Variants in BLTP3B observed in about 807,000 individuals in gnomAD.
The protein encoded by BLTP3B is bridge-like lipid transfer protein family member 3B.
the BLTP3B span, among the ~76,000 whole-genome samples, chr12:100,121,732 G>A: frequency 1.3e-5 from 2 of 152,100 alleles, no homozygotes; most frequent in African/African-American, 4.8e-5. Flanking sequence ...GGGAAGCTGA[G>A]GCAGGAGAAT....
chr12:100,121,662 C>T, the BLTP3B span, among the ~76,000 whole-genome samples: 1 of 151,910 alleles, frequency 6.6e-6, no homozygotes, highest in Non-Finnish European at 1.5e-5. Flanking sequence ...GAAACCCTGT[C>T]TCTACTAAAA....
chr12:100,132,472 T>A, the BLTP3B span, among the ~76,000 whole-genome samples: 2 of 152,174 alleles, frequency 1.3e-5, no homozygotes, highest in African/African-American at 4.8e-5. Context: ...CTCACGTGCG[T>A]AGGTTGTTAT....
chr12:100,118,487 C>T, the BLTP3B span, among the ~76,000 whole-genome samples: 1 of 152,004 alleles, frequency 6.6e-6, no homozygotes, highest in South Asian at 2.1e-4. Context: ...CCTAAAAAGA[C>T]ATGATGACTA....
At chr12:100,051,324 C>T in the BLTP3B span, 2 of 990,902 alleles carry the variant, frequency 2.0e-6, no homozygotes, top group Non-Finnish European at 2.8e-6. Flanking sequence ...TCAACTCTTT[C>T]TCAAGCACTG....
chr12:100,136,088 G>A, the BLTP3B span, among the ~76,000 whole-genome samples: 2 of 151,888 alleles, frequency 1.3e-5, no homozygotes, highest in South Asian at 2.1e-4. Context: ...GTGCATGTCT[G>A]TAATCCCAGC....
chr12:100,058,877 C>G, the BLTP3B span: 1 of 1,613,798 alleles, frequency 6.2e-7, no homozygotes, highest in South Asian at 1.1e-5. Context: ...CTGCCTCTGA[C>G]GAGGAAGGGG....
chr12:100,043,780 T>C, the BLTP3B span, among the ~76,000 whole-genome samples: 1 of 152,172 alleles, frequency 6.6e-6, no homozygotes, highest in Non-Finnish European at 1.5e-5. Context: ...TGAAGTCTAC[T>C]ACTGGGCACA....
At chr12:100,068,913 A>G in the BLTP3B span, among the ~76,000 whole-genome samples, 1 of 152,356 alleles carries the variant, frequency 6.6e-6, no homozygotes, top group African/African-American at 2.4e-5. Flanking sequence ...TAGTACAACC[A>G]CTATGGAAAA....
chr12:100,058,444 C>G, the BLTP3B span: 9 of 1,613,036 alleles, frequency 5.6e-6, no homozygotes, highest in Non-Finnish European at 7.6e-6. Context: ...AGCAAAGGAT[C>G]CTTTAAAGGG....
the BLTP3B span, among the ~76,000 whole-genome samples, chr12:100,128,346 T>C: frequency 6.6e-6 from 1 of 151,986 alleles, no homozygotes; most frequent in Non-Finnish European, 1.5e-5. Flanking sequence ...TTGCCAAACC[T>C]TATCTATTAG....
the BLTP3B span, among the ~76,000 whole-genome samples, chr12:100,140,594 A>T: frequency 6.7e-6 from 1 of 148,702 alleles, no homozygotes; most frequent in Non-Finnish European, 1.5e-5. Context: ...AATCCCAGCT[A>T]CTCGGGAGGC....
the BLTP3B span, among the ~76,000 whole-genome samples, chr12:100,134,393 G>A: frequency 6.6e-6 from 1 of 152,072 alleles, no homozygotes; most frequent in Non-Finnish European, 1.5e-5. Flanking sequence ...ATCACTTGAG[G>A]TCAGGAGTTT....
the BLTP3B span, among the ~76,000 whole-genome samples, chr12:100,064,827 C>A: frequency 6.7e-6 from 1 of 150,052 alleles, no homozygotes; most frequent in African/African-American, 2.5e-5. Context: ...CACAACAGAA[C>A]CTCTTTAAAG....
At chr12:100,127,784 G>A in the BLTP3B span, among the ~76,000 whole-genome samples, 3 of 152,116 alleles carry the variant, frequency 2.0e-5, no homozygotes, top group Non-Finnish European at 4.4e-5. Context: ...AGGCCTAGGT[G>A]GGGGGACTGC....
chr12:100,062,992 G>A, the BLTP3B span, among the ~76,000 whole-genome samples: 2 of 151,272 alleles, frequency 1.3e-5, no homozygotes, highest in African/African-American at 4.9e-5. Flanking sequence ...AAAAAAAACA[G>A]CTTAGAAGTC....
the BLTP3B span, among the ~76,000 whole-genome samples, chr12:100,062,977 T>TAA: frequency 5.0e-5 from 7 of 141,006 alleles, no homozygotes; most frequent in Non-Finnish European, 9.3e-5. Context: ...GAAAAGAATT[T>TAA]AAAAAAAAAA....
chr12:100,059,486 T>A, the BLTP3B span: 9 of 1,609,150 alleles, frequency 5.6e-6, no homozygotes, highest in Non-Finnish European at 7.6e-6. Flanking sequence ...AAATTGCACG[T>A]GGCTGATCTT....
the BLTP3B span, chr12:100,098,585 A>G: frequency 6.5e-7 from 1 of 1,545,398 alleles, no homozygotes; most frequent in South Asian, 1.2e-5. Flanking sequence ...GACAAAACTA[A>G]TTTTTAAAAA....
chr12:100,142,607 A>G, the BLTP3B span: 5 of 1,608,554 alleles, frequency 3.1e-6, no homozygotes, highest in Non-Finnish European at 4.2e-6. Flanking sequence ...GAGGTGCTTC[A>G]AGATTTGTTT....
Sources: allele counts gnomAD v4.1 joint callset (sites outside exome capture counted in the v4.1 genomes callset), GRCh38; gene constraint gnomAD v4.1.1; transcripts MANE v1.5; gene names NCBI Gene and HGNC (gene_info 2026-07-23, HGNC 2026-07-21).